Variants in SRRM4 observed in about 807,000 individuals in gnomAD.
The protein encoded by SRRM4 is serine/arginine repetitive matrix protein 4.
In SRRM4, 33 loss-of-function variants were observed where a neutral mutation model predicts 68.9. The ratio of observed to expected loss-of-function variants is 0.48; its 90% CI spans 0.36 to 0.64. The LOEUF (loss-of-function observed/expected upper bound fraction) is 0.64. Among genes scored for constraint, SRRM4 ranks in the 30% least tolerant of loss-of-function variants. The pLI, the probability that SRRM4 is intolerant of heterozygous loss-of-function variation, is 0.00. For synonymous variants in SRRM4, 318 were observed against 318.8 expected (o/e 1.00, Z 0.03); for missense variants, 817 against 827.1 (o/e 0.99, Z 0.15).
At chr12:118,982,101 C>T (rs1659630840) in intron 1 of SRRM4, 88 bp downstream of exon 1, 1 of 1,474,310 alleles carries the variant, frequency 6.8e-7, no homozygotes, top group Non-Finnish European at 9.1e-7. Flanking sequence ...ATGCAGGCAG[C>T]CGGGCCAGGG....
chr12:119,042,082 G>A (rs1175592942), intron 1 of SRRM4, among the ~76,000 whole-genome samples: 1 of 152,148 alleles, frequency 6.6e-6, no homozygotes, highest in Non-Finnish European at 1.5e-5. Context: ...CGGATGACAA[G>A]AGTCTTAGAA....
At chr12:119,063,334 G>A (rs1218374705) in intron 1 of SRRM4, among the ~76,000 whole-genome samples, 2 of 152,180 alleles carry the variant, frequency 1.3e-5, no homozygotes, top group African/African-American at 2.4e-5. Context: ...GCCCCAAAAT[G>A]TCAGGGGCTT....
chr12:119,060,601 C>T (rs1240340268), intron 1 of SRRM4, among the ~76,000 whole-genome samples: 1 of 151,756 alleles, frequency 6.6e-6, no homozygotes, highest in African/African-American at 2.4e-5. Flanking sequence ...TGTGTATTAT[C>T]TGTAATTTCT....
At chr12:119,085,191 T>C (rs1309538748) in intron 1 of SRRM4, among the ~76,000 whole-genome samples, 2 of 152,216 alleles carry the variant, frequency 1.3e-5, no homozygotes, top group Non-Finnish European at 2.9e-5. Flanking sequence ...CGTGAGCCAC[T>C]GAGGCTGGCC....
At chr12:119,071,828 C>G (rs955182) in intron 1 of SRRM4, among the ~76,000 whole-genome samples, 44,911 of 152,112 alleles carry the variant, frequency 0.3, 7,146 homozygotes, top group East Asian at 0.43. Flanking sequence ...CACACATCTG[C>G]TCCATCAGAC....
In SRRM4 at chr12:118,998,091, C is replaced by T. The variant is rs569362982; in HGVS notation, c.131+16078C>T. Among the ~76,000 whole-genome samples, 3 of 151,940 alleles carry T rather than the reference C, an allele frequency of 2.0e-5. No individual in the cohort carries two copies. In the South Asian group the frequency reaches 6.3e-4, roughly 32 times the overall value. ...TTTGCTGGTCAGAGGCACATCAATC[C>T]GGATCTATATTTAATGGACACTATT... On this transcript the variant is annotated intron_variant, in intron 1 of 12. Coordinates refer to ENST00000267260, the MANE Select transcript of SRRM4 (RefSeq NM_194286.4).
chr12:119,033,666 A>C (rs1953608024), intron 1 of SRRM4, among the ~76,000 whole-genome samples: 1 of 151,946 alleles, frequency 6.6e-6, no homozygotes, highest in South Asian at 2.1e-4. Flanking sequence ...CCATCTCAAA[A>C]AAAAAAAAAA....
chr12:119,056,246 G>T (rs551023873), intron 1 of SRRM4, among the ~76,000 whole-genome samples: 1 of 152,160 alleles, frequency 6.6e-6, no homozygotes, highest in Non-Finnish European at 1.5e-5. Flanking sequence ...ACAGTGCCTC[G>T]TGCAGCCACA....
intron 2 of SRRM4, among the ~76,000 whole-genome samples, chr12:119,112,544 G>T (rs1360572666): frequency 6.6e-6 from 1 of 152,166 alleles, no homozygotes; most frequent in Non-Finnish European, 1.5e-5. Flanking sequence ...GACATGAAAT[G>T]AACCCAAATG....
At position 119,122,126 on chromosome 12, in the gene SRRM4, T is replaced by G. The variant is rs996613910; in HGVS notation, c.515+6T>G. 10 of 1,599,832 alleles carry G rather than the reference T, an allele frequency of 6.3e-6. No homozygotes were observed. In the African/African-American group the frequency reaches 1.1e-4, roughly 17 times the overall value. On this transcript the variant is annotated splice_donor_region_variant and intron_variant, in intron 6 of 12. Transcript: ENST00000267260. ...GAGAAGAGGCACAAGAAACAGTAAG[T>G]AGATACTACCTGGAATGTACTCATC...
chr12:119,096,716 T>C (rs1441450747), intron 1 of SRRM4, among the ~76,000 whole-genome samples: 1 of 152,200 alleles, frequency 6.6e-6, no homozygotes, highest in African/African-American at 2.4e-5. Flanking sequence ...CGCTCCACCA[T>C]TGTTGGTCTC....
intron 5 of SRRM4, 150 bp downstream of exon 5, chr12:119,120,426 C>T: frequency 1.1e-6 from 1 of 869,932 alleles, no homozygotes; most frequent in East Asian, 2.7e-5. Context: ...AAATGAAGGT[C>T]TGGGCTGTTT....
At chr12:118,994,914 C>T (rs1470817778) in intron 1 of SRRM4, among the ~76,000 whole-genome samples, 2 of 152,170 alleles carry the variant, frequency 1.3e-5, no homozygotes, top group Non-Finnish European at 2.9e-5. Context: ...GAATGCTAAA[C>T]CTCACAGTTC....
chr12:119,025,813 C>T (rs1195051585), intron 1 of SRRM4, among the ~76,000 whole-genome samples: 2 of 152,016 alleles, frequency 1.3e-5, no homozygotes, highest in African/African-American at 4.8e-5. Context: ...AGCATCAGAC[C>T]TCCATGAAAA....
intron 1 of SRRM4, among the ~76,000 whole-genome samples, chr12:119,041,757 G>A (rs1169145191): frequency 6.6e-6 from 1 of 152,206 alleles, no homozygotes; most frequent in Non-Finnish European, 1.5e-5. Flanking sequence ...AGGTAGTGTT[G>A]AGACTCCTAT....
At position 119,019,940 on chromosome 12, in the gene SRRM4, T is replaced by TG. The variant is rs1953504003; in HGVS notation, c.131+37927_131+37928insG. On this transcript the variant is annotated intron_variant, in intron 1 of 12. Coordinates refer to ENST00000267260, the MANE Select transcript of SRRM4 (RefSeq NM_194286.4). ...GAGAAGCTGGAAAGCTCTGGACAGT[T>TG]CCCCCCGCTCCCCCCCCCCCCAAAA... Among the ~76,000 whole-genome samples the TG allele has an allele frequency of 3.7e-5, 3 of 80,228 alleles. 1 individual carries two copies. Among genetic ancestry groups the TG allele is most frequent in the African/African-American group, 1.4e-4 (3 of 21,836 alleles). 52.6% of individuals were successfully genotyped at this position (80,228 alleles called of 152,430 possible). A position where few individuals can be genotyped will look rare whatever the true frequency, so the allele number is the denominator to read the frequency against.
At position 119,161,751 on chromosome 12, in the gene SRRM4, T is replaced by G. The variant is rs1954515398; in HGVS notation, c.*4953T>G. On this transcript the variant is annotated 3_prime_UTR_variant, in exon 13 of 13. Coordinates refer to ENST00000267260, the MANE Select transcript of SRRM4 (RefSeq NM_194286.4). ...ATTGAAATTGGCAGAAATGGAGGCT[T>G]CAGTCACACAAATTAGACTCAAATG... 1 of 152,598 alleles carries G rather than the reference T, an allele frequency of 6.6e-6. No homozygotes were observed. Among genetic ancestry groups the G allele is most frequent in the African/African-American group, 2.4e-5 (1 of 41,446 alleles). 9.5% of individuals were successfully genotyped at this position (152,598 alleles called of 1,614,324 possible).
At chr12:119,122,042 T>C in intron 5 of SRRM4, 28 bp from the exon 6 acceptor site, 2 of 1,523,826 alleles carry the variant, frequency 1.3e-6, no homozygotes, top group African/African-American at 2.7e-5. Flanking sequence ...TTTTGCATCT[T>C]TCAATTAATT....
chr12:119,130,955 G>A, intron 8 of SRRM4, 121 bp downstream of exon 8: 1 of 1,080,202 alleles, frequency 9.3e-7, no homozygotes, highest in Non-Finnish European at 1.3e-6. Flanking sequence ...ATATCCCACT[G>A]GCTCCAGACC....
Sources: gnomAD v4.1 joint callset for allele counts (sites outside exome capture counted in the v4.1 genomes callset) on GRCh38, gnomAD v4.1.1 for gene constraint, MANE v1.5 for transcripts, NCBI Gene and HGNC (gene_info 2026-07-23, HGNC 2026-07-21) for gene names.